The following LRP1B variants were observed in gnomAD, a reference collection of about 807,000 sequenced individuals.
LRP1B encodes the protein low-density lipoprotein receptor-related protein 1B.
In LRP1B, 217 loss-of-function variants were observed where a neutral mutation model predicts 556.6. The observed-to-expected ratio is 0.39, with a 90% CI of 0.35 to 0.44. The LOEUF (loss-of-function observed/expected upper bound fraction) is 0.44. Among genes scored for constraint, LRP1B ranks in the 20% least tolerant of loss-of-function variants. The pLI is 1.00. For missense variants in LRP1B, 5,053 were observed against 5,620.8 expected (o/e 0.90, Z 3.23); for synonymous variants, 2,047 against 1,865.8 (o/e 1.10, Z -2.50).
chr2:140,464,929 C>A (rs1039233106), intron 60 of LRP1B, among the ~76,000 whole-genome samples: 1 of 152,078 alleles, frequency 6.6e-6, no homozygotes, highest in Non-Finnish European at 1.5e-5. Flanking sequence ...AAAATAAAAA[C>A]GTAGAAGAGT....
intron 1 of LRP1B, among the ~76,000 whole-genome samples, chr2:142,078,823 A>G (rs1705606256): frequency 6.6e-6 from 1 of 152,146 alleles, no homozygotes; most frequent in South Asian, 2.1e-4. Context: ...TAGCACATAT[A>G]ATAAGTAGTA....
At chr2:142,064,664 A>G (rs925575719) in intron 1 of LRP1B, among the ~76,000 whole-genome samples, 1 of 151,582 alleles carries the variant, frequency 6.6e-6, no homozygotes, top group Non-Finnish European at 1.5e-5. Flanking sequence ...ACTCAATATT[A>G]CAAATTACAT....
At chr2:141,421,319 G>C (rs766115402) in intron 3 of LRP1B, among the ~76,000 whole-genome samples, 2 of 152,072 alleles carry the variant, frequency 1.3e-5, no homozygotes, top group South Asian at 2.1e-4. Flanking sequence ...ACGAGGTCAG[G>C]AGATCGAGAC....
At chr2:140,438,463 G>A (rs990616967) in intron 66 of LRP1B, among the ~76,000 whole-genome samples, 5 of 152,140 alleles carry the variant, frequency 3.3e-5, no homozygotes, top group African/African-American at 1.2e-4. Context: ...GCTTATAACT[G>A]TAGCTTATAA....
At chr2:140,684,757 A>G (rs756223956) in intron 41 of LRP1B, among the ~76,000 whole-genome samples, 125 of 152,114 alleles carry the variant, frequency 8.2e-4, no homozygotes, top group Non-Finnish European at 1.5e-3. Flanking sequence ...CCCTTTTTAT[A>G]TTTTTAGTTT....
chr2:141,771,139 G>A (rs1247743372), intron 2 of LRP1B, among the ~76,000 whole-genome samples: 2 of 152,024 alleles, frequency 1.3e-5, no homozygotes, highest in Admixed American at 6.6e-5. Context: ...ATTATAACTA[G>A]ATGTTCTAAG....
chr2:140,956,124 A>C (rs1695865210), intron 18 of LRP1B, among the ~76,000 whole-genome samples: 1 of 151,776 alleles, frequency 6.6e-6, no homozygotes, highest in African/African-American at 2.4e-5. Flanking sequence ...ATTACCTATT[A>C]TTTATTGAAT....
Position 141,738,596 on chromosome 2 carries a change from C to T in LRP1B, c.205+71683G>A, listed in dbSNP as rs117918339. 8.5e-5 allele frequency among the ~76,000 whole-genome samples: 13 copies of T among 152,246 alleles called. No homozygotes were observed. In the East Asian group the frequency reaches 2.3e-3, roughly 27 times the overall value. On this transcript the variant is annotated intron_variant, in intron 2 of 90. Transcript: ENST00000389484. ...TCTTTGTTTAGAATTGACACAAATTCATGATACACCTTTGAAGTTAGTTTA... is the reference window on the plus strand; with the variant it reads ...TCTTTGTTTAGAATTGACACAAATTTATGATACACCTTTGAAGTTAGTTTA...
intron 37 of LRP1B, among the ~76,000 whole-genome samples, chr2:140,713,429 A>T (rs1687105429): frequency 6.6e-6 from 1 of 151,934 alleles, no homozygotes; most frequent in Non-Finnish European, 1.5e-5. Flanking sequence ...AAGGGAAAGA[A>T]CCCTTTTGTC....
intron 41 of LRP1B, among the ~76,000 whole-genome samples, chr2:140,676,670 G>A (rs1438777436): frequency 6.6e-6 from 1 of 152,118 alleles, no homozygotes; most frequent in Non-Finnish European, 1.5e-5. Flanking sequence ...TTGGATTCTT[G>A]AAAATAATTT....
At chr2:141,789,362 AAAT>A (rs1209844120) in intron 2 of LRP1B, among the ~76,000 whole-genome samples, 3 of 152,008 alleles carry the variant, frequency 2.0e-5, no homozygotes, top group African/African-American at 7.2e-5. Context: ...CTATAAATAA[AAAT>A]AATACTATCA....
chr2:140,716,849 A>C, intron 35 of LRP1B, 33 bp from the exon 36 acceptor site: 1 of 1,379,422 alleles, frequency 7.2e-7, no homozygotes, highest in Non-Finnish European at 1.0e-6. Context: ...AAATACATAT[A>C]CACACACTGT....
intron 3 of LRP1B, among the ~76,000 whole-genome samples, chr2:141,392,784 G>A (rs886313329): frequency 6.6e-6 from 1 of 152,154 alleles, no homozygotes; most frequent in African/African-American, 2.4e-5. Flanking sequence ...ATTCTGGGAA[G>A]AGGATCTTTC....
At chr2:140,666,004 T>C (rs979954694) in intron 41 of LRP1B, among the ~76,000 whole-genome samples, 6 of 151,510 alleles carry the variant, frequency 4.0e-5, no homozygotes, top group African/African-American at 1.5e-4. Context: ...ATTTTTTTTT[T>C]TTTTCCTGAG....
chr2:142,029,712 T>G (rs758217594), intron 1 of LRP1B, among the ~76,000 whole-genome samples: 1 of 151,868 alleles, frequency 6.6e-6, no homozygotes, highest in African/African-American at 2.4e-5. Flanking sequence ...TTTGTGCCTG[T>G]AGAAAGCCCA....
chr2:140,919,057 TA>T (rs959463808), intron 21 of LRP1B, among the ~76,000 whole-genome samples: 1 of 152,060 alleles, frequency 6.6e-6, no homozygotes, highest in African/African-American at 2.4e-5. Context: ...ATACTTATTG[TA>T]AACTTATTTT....
At position 140,464,154 on chromosome 2, in the gene LRP1B, C is replaced by T. The variant is rs1687442696; in HGVS notation, c.9626-6503G>A. Among the ~76,000 whole-genome samples, 2 of 151,866 alleles carry T rather than the reference C, an allele frequency of 1.3e-5. 1 individual carries two copies. Among genetic ancestry groups the T allele is most frequent in the South Asian group, 4.1e-4 (2 of 4,820 alleles). ...GAGGTTGCAGTGAGGCAAGATTGTG[C>T]CACTGCACTTCAGCCTGGGTGACAG... On this transcript the variant is annotated intron_variant, in intron 60 of 90. Coordinates refer to ENST00000389484, the MANE Select transcript of LRP1B (RefSeq NM_018557.3).
At chr2:140,449,982 TG>T (rs1400949288) in intron 63 of LRP1B, among the ~76,000 whole-genome samples, 1 of 152,180 alleles carries the variant, frequency 6.6e-6, no homozygotes, top group African/African-American at 2.4e-5. Context: ...CAACGATTGC[TG>T]AAAAAGCAGC....
At chr2:141,838,696 A>G (rs1697369588) in intron 1 of LRP1B, among the ~76,000 whole-genome samples, 1 of 152,198 alleles carries the variant, frequency 6.6e-6, no homozygotes, top group African/African-American at 2.4e-5. Context: ...GATGAATTTC[A>G]CTTATTTGCT....
Sources: allele counts gnomAD v4.1 joint callset (sites outside exome capture counted in the v4.1 genomes callset), GRCh38; gene constraint gnomAD v4.1.1; transcripts MANE v1.5; gene names NCBI Gene and HGNC (gene_info 2026-07-23, HGNC 2026-07-21).